Variants in JPT1 observed in about 807,000 individuals in gnomAD.
JPT1 encodes the protein Jupiter microtubule associated homolog 1.
In JPT1, 5 loss-of-function variants were observed where a neutral mutation model predicts 17.0. The ratio of observed to expected loss-of-function variants is 0.29; its 90% CI spans 0.15 to 0.62. The LOEUF (loss-of-function observed/expected upper bound fraction) is 0.62, where lower values mean the gene tolerates loss of function less well. JPT1 is among the 20% of genes least tolerant of loss of function. JPT1 has a pLI of 0.85. For missense variants in JPT1, 158 were observed against 188.1 expected (o/e 0.84, Z 0.94); for synonymous variants, 71 against 73.6 (o/e 0.96, Z 0.18).
At chr17:75,140,366 G>A (rs925637044) in intron 4 of JPT1, among the ~76,000 whole-genome samples, 2 of 151,100 alleles carry the variant, frequency 1.3e-5, no homozygotes. Flanking sequence ...ACATCAATAA[G>A]ATAACTGAAC....
At chr17:75,152,345 A>G (rs2074567835) in intron 1 of JPT1, among the ~76,000 whole-genome samples, 1 of 152,214 alleles carries the variant, frequency 6.6e-6, no homozygotes, top group African/African-American at 2.4e-5. Flanking sequence ...AAGTTTCTGT[A>G]TATCTTTGCA....
At position 75,136,270 on chromosome 17, in the gene JPT1, A is replaced by G. The variant is rs1329302779; in HGVS notation, c.317-20T>C. 4.5e-6 allele frequency: 7 copies of G among 1,548,520 alleles called. No homozygotes were observed. Among genetic ancestry groups the G allele is most frequent in the Non-Finnish European group, 6.1e-6 (7 of 1,145,470 alleles). On this transcript the variant is annotated intron_variant, in intron 4 of 4. Transcript: ENST00000409753. ...CATTTTCTATGAAAACAGGGAATAG[A>G]AATAATACTCATAATGACAGCCATT...
chr17:75,140,397 A>G (rs2074285989), intron 4 of JPT1, among the ~76,000 whole-genome samples: 1 of 152,180 alleles, frequency 6.6e-6, no homozygotes, highest in Admixed American at 6.6e-5. Flanking sequence ...CTATCTGAAT[A>G]GAAAATGATT....
chr17:75,139,461 A>G (rs887704125), intron 4 of JPT1, among the ~76,000 whole-genome samples: 1 of 152,144 alleles, frequency 6.6e-6, no homozygotes, highest in African/African-American at 2.4e-5. Flanking sequence ...ACATACTAAT[A>G]AAGAAGAAGA....
At chr17:75,151,778 G>C (rs1490700255) in intron 1 of JPT1, among the ~76,000 whole-genome samples, 1 of 152,044 alleles carries the variant, frequency 6.6e-6, no homozygotes, top group Non-Finnish European at 1.5e-5. Flanking sequence ...GAGACCAGCT[G>C]GACCAACATA....
At chr17:75,139,081 A>T (rs534620562) in intron 4 of JPT1, among the ~76,000 whole-genome samples, 2 of 152,342 alleles carry the variant, frequency 1.3e-5, no homozygotes, top group South Asian at 4.1e-4. Context: ...GATCAGACAC[A>T]CAAGTCCTAC....
In JPT1 at chr17:75,144,903, G is replaced by A. The variant is rs567362034; in HGVS notation, c.316+1763C>T. Among the ~76,000 whole-genome samples, 6 of 152,178 alleles carry A rather than the reference G, an allele frequency of 3.9e-5. No individual in the cohort carries two copies. The East Asian group carries it at 1.2e-3, about 29-fold the overall frequency. Reference sequence around the variant, plus strand: ...AAAAAGAGGAAAAACACGTTTGAGTGTTTTCCCCCTAAACAGGTCCTATAA... The same window carrying A: ...AAAAAGAGGAAAAACACGTTTGAGTATTTTCCCCCTAAACAGGTCCTATAA... On this transcript the variant is annotated intron_variant, in intron 4 of 4. Transcript: ENST00000409753.
At chr17:75,138,451 CAGACTGG>C (rs2074249503) in intron 4 of JPT1, 1 of 151,120 alleles carries the variant, frequency 6.6e-6, no homozygotes, top group African/African-American at 2.4e-5. Context: ...TTCCATCGCC[CAGACTGG>C]AGTAAAGTAG....
chr17:75,149,862 T>TACACACACACAC (rs58993126), intron 1 of JPT1, among the ~76,000 whole-genome samples: 45 of 147,598 alleles, frequency 3.0e-4, no homozygotes, highest in South Asian at 1.1e-3. Context: ...CTTACACACT[T>TACACACACACAC]ACACACACAC....
chr17:75,149,000 T>A (rs2074492254), intron 1 of JPT1: 3 of 1,270,156 alleles, frequency 2.4e-6, no homozygotes, highest in East Asian at 9.5e-5. Flanking sequence ...CTTACTCTAC[T>A]GGGCTTGGCT....
rs1393389139 is a variant in JPT1, at chr17:75,154,436, C to T, written c.-39G>A. The T allele has an allele frequency of 3.9e-6, 6 of 1,542,004 alleles. No individual in the cohort carries two copies. Among genetic ancestry groups the T allele is most frequent in the Middle Eastern group, 1.7e-4 (1 of 5,846 alleles). On this transcript the variant is annotated 5_prime_UTR_variant, in exon 1 of 5. Coordinates refer to ENST00000409753, the MANE Select transcript of JPT1 (RefSeq NM_016185.4). ...GAGGTAGGCTGGCGCCGGAGCAGAA[C>T]GCTCAAAGGGTCGGACCCGAGGGGC...
Position 75,148,551 on chromosome 17 carries a change from T to C in JPT1, c.177A>G (p.Gln59=), listed in dbSNP as rs1401546769. ...SNIFGTPEEN[Q]ASWAKSAGAK... Reference sequence around the variant, plus strand: ...TACCTGCTGACTTGGCCCAAGAAGCTTGATTTTCTTCAGGTGTCCCAAAGA... The same window carrying C: ...TACCTGCTGACTTGGCCCAAGAAGCCTGATTTTCTTCAGGTGTCCCAAAGA... Residue 59 remains glutamine, a synonymous_variant, in exon 2 of 5, where the codon CAA becomes CAG. Transcript: ENST00000409753. 5 of 1,614,070 alleles carry C rather than the reference T, an allele frequency of 3.1e-6. No homozygotes were observed. The highest frequency in any genetic ancestry group is 2.2e-5 in the East Asian group (1 of 44,904).
Position 75,135,475 on chromosome 17 carries a change from C to T in JPT1, c.*627G>A, listed in dbSNP as rs2074174415. On this transcript the variant is annotated 3_prime_UTR_variant, in exon 5 of 5. Coordinates refer to ENST00000409753, the MANE Select transcript of JPT1 (RefSeq NM_016185.4). The stretch of plus-strand genomic sequence containing the variant: ...TTTAGTTCCAGGCAGTTTCATTGTA[C>T]ATCCAAGCCTTCCTCTGCGTGAGAG... The T allele has an allele frequency of 6.6e-6, 1 of 152,312 alleles. No homozygotes were observed. The highest frequency in any genetic ancestry group is 6.5e-5 in the Admixed American group (1 of 15,272). The allele number at this position is 152,312 out of a possible 1,614,324, so 9.4% of individuals were successfully genotyped here.
In JPT1 at chr17:75,151,965, G is replaced by A. The variant is rs138536637; in HGVS notation, c.56+2377C>T. 1.6e-3 allele frequency among the ~76,000 whole-genome samples: 234 copies of A among 146,926 alleles called. 1 individual carries two copies. Among genetic ancestry groups the A allele is most frequent in the African/African-American group, 5.7e-3 (228 of 39,786 alleles). On this transcript the variant is annotated intron_variant, in intron 1 of 4. Transcript: ENST00000409753. ...GCTCGGGCAAAAAGAGCAAAACTGC[G>A]TCTCAAAAAAAAAAAAAAAATCAAG...
chr17:75,146,614 C>T, intron 4 of JPT1, 52 bp downstream of exon 4: 2 of 1,351,314 alleles, frequency 1.5e-6, no homozygotes, highest in Non-Finnish European at 2.1e-6. Context: ...AGATTCAGAT[C>T]TGTCCTAAAA....
At chr17:75,136,948 A>T (rs1194818740) in intron 4 of JPT1, among the ~76,000 whole-genome samples, 1 of 152,244 alleles carries the variant, frequency 6.6e-6, no homozygotes. Flanking sequence ...ATGTAGCCAG[A>T]TAACATGTAA....
Position 75,146,683 on chromosome 17 carries a change from C to T in JPT1, c.299G>A (p.Gly100Glu). ...ASSGDFLDLK[G>E]EGDIHENVDT... is the part of the protein sequence containing the mutation. ...GTACTTACCATGAATATCACCTTCT[C>T]CCTAGAAAAGAAAAAAATTCAAAAA... Residue 100 changes from glycine to glutamate, a missense_variant and splice_region_variant, in exon 4 of 5, where the codon GGA becomes GAA. Coordinates refer to ENST00000409753, the MANE Select transcript of JPT1 (RefSeq NM_016185.4). 1 of 1,538,810 alleles carries T rather than the reference C, an allele frequency of 6.5e-7. No individual in the cohort carries two copies. Among genetic ancestry groups the T allele is most frequent in the Non-Finnish European group, 8.8e-7 (1 of 1,134,898 alleles).
chr17:75,136,545 G>A (rs1484717924), intron 4 of JPT1, among the ~76,000 whole-genome samples: 1 of 152,130 alleles, frequency 6.6e-6, no homozygotes, highest in Non-Finnish European at 1.5e-5. Flanking sequence ...AGGCTGGAGT[G>A]CAATGGTGCA....
intron 4 of JPT1, chr17:75,142,904 A>C: frequency 2.8e-6 from 1 of 352,894 alleles, no homozygotes; most frequent in South Asian, 2.1e-5. Context: ...ACACACACAA[A>C]ATCTGTTTTT....
Sources: allele counts gnomAD v4.1 joint callset (sites outside exome capture counted in the v4.1 genomes callset), GRCh38; gene constraint gnomAD v4.1.1; transcripts MANE v1.5; gene names NCBI Gene and HGNC (gene_info 2026-07-23, HGNC 2026-07-21).